NREP: variants seen among roughly 807,000 people sequenced by gnomAD.
The protein encoded by NREP is neuronal regeneration related protein.
Under a neutral mutation model 8.6 loss-of-function variants are expected in NREP, and 5 were observed. That is an observed-to-expected ratio of 0.58 (90% confidence interval 0.30 to 1.22). NREP has a LOEUF of 1.22. NREP is among the 50% of genes most tolerant of loss of function. The pLI is 0.07. For missense variants in NREP, 86 were observed against 82.5 expected, an observed-to-expected ratio of 1.04 and a Z score of -0.17; for synonymous variants, 27 against 28.0, an observed-to-expected ratio of 0.96 and a Z score of 0.11.
At chr5:111,771,436 C>T (rs1465387595) in intron 2 of NREP, among the ~76,000 whole-genome samples, 1 of 125,112 alleles carries the variant, frequency 8.0e-6, no homozygotes. Context: ...TACACACACA[C>T]ACACACACAC....
chr5:111,965,659 A>G (rs889715383), intron 2 of NREP, among the ~76,000 whole-genome samples: 2 of 152,202 alleles, frequency 1.3e-5, no homozygotes, highest in Non-Finnish European at 2.9e-5. Flanking sequence ...ATCTGTAAAC[A>G]TATCACTATA....
At chr5:111,802,353 G>T (rs1281345744) in intron 2 of NREP, among the ~76,000 whole-genome samples, 1 of 152,140 alleles carries the variant, frequency 6.6e-6, no homozygotes, top group African/African-American at 2.4e-5. Flanking sequence ...GTAGGTGAAT[G>T]ATTGGGCAGA....
At chr5:111,839,471 GT>G (rs2112946318) in intron 2 of NREP, among the ~76,000 whole-genome samples, 1 of 152,164 alleles carries the variant, frequency 6.6e-6, no homozygotes, top group Admixed American at 6.6e-5. Flanking sequence ...TTTCTGTATT[GT>G]TTTCTTAAGA....
At chr5:111,942,753 GT>G (rs1300169525) in intron 2 of NREP, among the ~76,000 whole-genome samples, 1 of 152,026 alleles carries the variant, frequency 6.6e-6, no homozygotes, top group Non-Finnish European at 1.5e-5. Context: ...TTAAGAGGCT[GT>G]ACATAAAAGA....
intron 2 of NREP, among the ~76,000 whole-genome samples, chr5:111,946,232 TAA>T (rs202149736): frequency 4.9e-5 from 7 of 142,176 alleles, no homozygotes; most frequent in East Asian, 2.0e-4. Context: ...AGTTTCTTTC[TAA>T]AAAAAAAAAA....
rs140790187 is a variant in NREP at position 111,935,692 on chromosome 5, G to C, written c.135+39582C>G. Among the ~76,000 whole-genome samples the C allele has an allele frequency of 1.1e-3, 163 of 152,192 alleles. 2 individuals are homozygous for C. The highest frequency in any genetic ancestry group is 3.8e-3 in the Admixed American group (58 of 15,268). On this transcript the variant is annotated intron_variant, in intron 2 of 3. Transcript: ENST00000395634. ...TCCCTGCAACAATCACATTAAAATA[G>C]AGTAAAATTGTAACGTCCACTCCTC... is the stretch of plus-strand genomic sequence containing the variant.
At chr5:111,757,198 T>C (rs1233057616), upstream of NREP, 23 of 945,100 alleles carry the variant, frequency 2.4e-5, no homozygotes, top group South Asian at 5.1e-5. Flanking sequence ...CAAATGTGGT[T>C]GAAAAAGGGC....
At chr5:111,867,830 A>G (rs752359506) in intron 2 of NREP, among the ~76,000 whole-genome samples, 1 of 152,254 alleles carries the variant, frequency 6.6e-6, no homozygotes, top group Non-Finnish European at 1.5e-5. Flanking sequence ...AAATTGAGGT[A>G]AAATTTATAT....
chr5:111,883,909 A>G (rs1754162508), intron 2 of NREP, among the ~76,000 whole-genome samples: 1 of 152,194 alleles, frequency 6.6e-6, no homozygotes, highest in African/African-American at 2.4e-5. Context: ...TCACAATTAA[A>G]AGAACTAGAA....
rs3223253 is a variant in NREP, at chr5:111,809,870, CGTGTGTGTGTGTGTGTGT to C, written c.136-74381_136-74364del. Among the ~76,000 whole-genome samples the C allele has an allele frequency of 1.1e-3, 157 of 144,208 alleles. 3 individuals are homozygous for C. In the South Asian group the frequency reaches 0.031, roughly 29 times the overall value. 94.6% of individuals were successfully genotyped at this position (144,208 alleles called of 152,430 possible). ...ACCACCTCATTGACTGGGACTTTGG[CGTGTGTGTGTGTGTGTGT>C]GTGTGTGTGTGTGTGTGTGTGTGTA... On this transcript the variant is annotated intron_variant, in intron 2 of 3. Coordinates refer to the NREP transcript ENST00000395634.
intron 2 of NREP, among the ~76,000 whole-genome samples, chr5:111,886,808 T>C (rs1239422948): frequency 6.7e-6 from 1 of 149,378 alleles, no homozygotes; most frequent in African/African-American, 2.5e-5. Flanking sequence ...AACATCACAC[T>C]CTGGGGACTG....
intron 2 of NREP, among the ~76,000 whole-genome samples, chr5:111,933,741 G>C (rs1755606397): frequency 6.6e-6 from 1 of 152,056 alleles, no homozygotes; most frequent in Non-Finnish European, 1.5e-5. Context: ...GAATTTCTAT[G>C]AACGAAAGAA....
chr5:111,843,177 A>G (rs1753074613), intron 2 of NREP, among the ~76,000 whole-genome samples: 1 of 151,846 alleles, frequency 6.6e-6, no homozygotes, highest in Non-Finnish European at 1.5e-5. Context: ...TTCATAACAC[A>G]TATATTGGTT....
chr5:111,848,785 T>C (rs1044957692), intron 2 of NREP, among the ~76,000 whole-genome samples: 2 of 152,110 alleles, frequency 1.3e-5, no homozygotes, highest in African/African-American at 2.4e-5. Context: ...CTTGTCAAAG[T>C]AATTCATTTT....
intron 2 of NREP, among the ~76,000 whole-genome samples, chr5:111,770,921 G>C (rs1045665024): frequency 1.3e-5 from 2 of 152,048 alleles, no homozygotes; most frequent in African/African-American, 2.4e-5. Flanking sequence ...AAGAGCTCCA[G>C]CTTAATTTGA....
At chr5:111,886,446 A>G (rs1375955205) in intron 2 of NREP, among the ~76,000 whole-genome samples, 2 of 152,132 alleles carry the variant, frequency 1.3e-5, no homozygotes, top group African/African-American at 2.4e-5. Context: ...TAGAAATACT[A>G]TTTGACCCAG....
intron 2 of NREP, among the ~76,000 whole-genome samples, chr5:111,776,186 C>T (rs1220806446): frequency 6.6e-6 from 1 of 152,112 alleles, no homozygotes; most frequent in Non-Finnish European, 1.5e-5. Context: ...CAAGTAAATT[C>T]ATGTCATAAT....
At chr5:111,975,990 A>G (rs1232398095) in intron 1 of NREP, among the ~76,000 whole-genome samples, 1 of 152,158 alleles carries the variant, frequency 6.6e-6, no homozygotes, top group African/African-American at 2.4e-5. Context: ...TTCTTTTACA[A>G]ATTAATCTGC....
intron 2 of NREP, among the ~76,000 whole-genome samples, chr5:111,802,621 G>A (rs4957980): frequency 0.5 from 75,950 of 152,024 alleles, 20,342 homozygotes; most frequent in African/African-American, 0.68. Context: ...CATGAAAAAT[G>A]TCACCTGAAG....
Sources: gnomAD v4.1 joint callset for allele counts (sites outside exome capture counted in the v4.1 genomes callset) on GRCh38, gnomAD v4.1.1 for gene constraint, MANE v1.5 for transcripts, NCBI Gene and HGNC (gene_info 2026-07-23, HGNC 2026-07-21) for gene names.